The following SPATA13 variants were observed in gnomAD, a reference collection of about 807,000 sequenced individuals.
The protein encoded by SPATA13 is spermatogenesis-associated protein 13.
In SPATA13, 50 loss-of-function variants were observed where a neutral mutation model predicts 104.0. The ratio of observed to expected loss-of-function variants is 0.48; its 90% CI spans 0.38 to 0.61. The LOEUF is 0.61. SPATA13 is among the 20% of genes least tolerant of loss of function. The pLI is 0.00. For missense variants in SPATA13, 1,524 were observed against 1,690.6 expected (o/e 0.90, Z 1.73); for synonymous variants, 606 against 667.5 (o/e 0.91, Z 1.42).
chr13:24,264,625 T>G (rs1031777590), intron 4 of SPATA13, among the ~76,000 whole-genome samples: 1 of 152,258 alleles, frequency 6.6e-6, no homozygotes. Flanking sequence ...GTCCCAATAA[T>G]TGCCTTCTAT....
chr13:24,249,212 G>C (rs1235635416), intron 2 of SPATA13, among the ~76,000 whole-genome samples: 1 of 152,134 alleles, frequency 6.6e-6, no homozygotes, highest in Non-Finnish European at 1.5e-5. Flanking sequence ...CTCATCATTG[G>C]TCACCAAACC....
At chr13:24,208,267 T>C (rs1870821043) in intron 1 of SPATA13, among the ~76,000 whole-genome samples, 1 of 152,206 alleles carries the variant, frequency 6.6e-6, no homozygotes, top group African/African-American at 2.4e-5. Flanking sequence ...AGAAATTCCC[T>C]GTAATTGAGG....
chr13:24,302,459 CAAAAAAAAAAAAA>C (rs71070678), intron 12 of SPATA13, 126 bp from the exon 13 acceptor site: 3,744 of 192,498 alleles, frequency 0.019, no homozygotes, highest in East Asian at 0.037. Context: ...GACCCTGTCT[CAAAAAAAAAAAAA>C]AAAAAAAAAA....
rs553936625 is a variant in SPATA13, at chr13:24,209,416, A to G, written c.-111-13403A>G. ...AAGAGATGAAAAGACAGCTCTTGCCAAGGTTATTTGATGAAATAAAAGGAG... is the reference window on the plus strand; with the variant it reads ...AAGAGATGAAAAGACAGCTCTTGCCGAGGTTATTTGATGAAATAAAAGGAG... On this transcript the variant is annotated intron_variant, in intron 1 of 12. Transcript: ENST00000382108. 3.9e-5 allele frequency among the ~76,000 whole-genome samples: 6 copies of G among 152,326 alleles called. No homozygotes were observed. The East Asian group carries it at 1.2e-3, about 29-fold the overall frequency.
chr13:24,259,362 C>T (rs1215492356), intron 4 of SPATA13, among the ~76,000 whole-genome samples: 1 of 152,248 alleles, frequency 6.6e-6, no homozygotes, highest in Non-Finnish European at 1.5e-5. Flanking sequence ...CCCCCAGAGC[C>T]TCACTTGCTT....
intron 4 of SPATA13, among the ~76,000 whole-genome samples, chr13:24,275,465 C>T (rs140157528): frequency 1.6e-3 from 240 of 152,316 alleles, no homozygotes; most frequent in Non-Finnish European, 2.9e-3. Context: ...ATGGTCAGCA[C>T]GCAGTTTTGA....
chr13:24,166,048 CT>C (rs1476956101), intron 1 of SPATA13, among the ~76,000 whole-genome samples: 2 of 152,186 alleles, frequency 1.3e-5, no homozygotes, highest in African/African-American at 4.8e-5. Flanking sequence ...GTATAAAAGT[CT>C]TTCTCATTCA....
chr13:24,160,980 G>T, intron 1 of SPATA13, 48 bp downstream of exon 1: 1 of 964,056 alleles, frequency 1.0e-6, no homozygotes. Flanking sequence ...CGCGGGCATG[G>T]GCTGTTAGGT....
chr13:24,255,153 G>A (rs1873721526), intron 4 of SPATA13, among the ~76,000 whole-genome samples: 1 of 152,178 alleles, frequency 6.6e-6, no homozygotes, highest in South Asian at 2.1e-4. Context: ...AAAGGCTTGG[G>A]AAGAGTATTG....
intron 3 of SPATA13, among the ~76,000 whole-genome samples, chr13:24,115,099 C>T (rs984130567): frequency 7.9e-5 from 12 of 152,136 alleles, no homozygotes; most frequent in African/African-American, 2.2e-4. Context: ...AGGAAGTGAC[C>T]GTGGAGGCCA....
intron 3 of SPATA13, among the ~76,000 whole-genome samples, chr13:24,030,968 G>T (rs1877453557): frequency 6.6e-6 from 1 of 152,178 alleles, no homozygotes; most frequent in Non-Finnish European, 1.5e-5. Flanking sequence ...ACCAATCTTA[G>T]AATAATAATT....
rs1342383407 is a variant in SPATA13 at position 24,300,491 on chromosome 13, G to A, written c.3658+16G>A. 6.2e-7 allele frequency: 1 copy of A among 1,611,884 alleles called. No homozygotes were observed. Among genetic ancestry groups the A allele is most frequent in the Non-Finnish European group, 8.5e-7 (1 of 1,178,100 alleles). ...AAGTCAAAAGGTAAGTTATGGAGAA[G>A]GCTTTGTCCCCTTAATGCTTATCAG... On this transcript the variant is annotated intron_variant, in intron 12 of 12. Coordinates refer to ENST00000382108, the MANE Select transcript of SPATA13 (RefSeq NM_001166271.3).
intron 3 of SPATA13, among the ~76,000 whole-genome samples, chr13:24,027,121 T>C (rs1877257022): frequency 6.7e-6 from 1 of 149,068 alleles, no homozygotes; most frequent in African/African-American, 2.5e-5. Flanking sequence ...TTCCTGATAT[T>C]TTTTGTTTAG....
intron 8 of SPATA13, 49 bp from the exon 9 acceptor site, chr13:24,290,603 G>A (rs757249768): frequency 9.0e-6 from 13 of 1,439,400 alleles, no homozygotes. Context: ...TCTTTGTCAT[G>A]TCCCAGAGGC....
intron 1 of SPATA13, among the ~76,000 whole-genome samples, chr13:24,193,239 A>G (rs1056733393): frequency 2.6e-5 from 4 of 151,912 alleles, no homozygotes; most frequent in Middle Eastern, 3.2e-3. Flanking sequence ...GCTCTGAGGA[A>G]GGGGAGTTGC....
At chr13:24,284,615 G>C (rs1281646517) in intron 5 of SPATA13, among the ~76,000 whole-genome samples, 1 of 152,192 alleles carries the variant, frequency 6.6e-6, no homozygotes, top group East Asian at 1.9e-4. Flanking sequence ...AGTGAGCTGA[G>C]AGCACACCAC....
intron 3 of SPATA13, among the ~76,000 whole-genome samples, chr13:24,098,413 C>T (rs1190026077): frequency 6.6e-6 from 1 of 151,608 alleles, no homozygotes; most frequent in African/African-American, 2.4e-5. Context: ...TTAAACGTGG[C>T]AAAACCCTGT....
At chr13:24,252,527 C>T (rs905662260) in intron 4 of SPATA13, among the ~76,000 whole-genome samples, 8 of 152,090 alleles carry the variant, frequency 5.3e-5, no homozygotes, top group Non-Finnish European at 7.3e-5. Context: ...CAATATGCAA[C>T]GTGTACCCAT....
In SPATA13 at chr13:24,303,319, TC is replaced by T; in HGVS notation, c.*549del. ...GCTGCCGTGGGGCTGACCACGGTGT[TC>T]CCTGGCATCGTCTGTGTCCACACAG... On this transcript the variant is annotated 3_prime_UTR_variant, in exon 13 of 13. Coordinates refer to ENST00000382108, the MANE Select transcript of SPATA13 (RefSeq NM_001166271.3). The T allele has an allele frequency of 3.0e-6, 1 of 331,678 alleles. No homozygotes were observed. The highest frequency in any genetic ancestry group is 6.1e-6 in the Non-Finnish European group (1 of 165,048). 20.5% of individuals were successfully genotyped at this position (331,678 alleles called of 1,614,324 possible). A position where few individuals can be genotyped will look rare whatever the true frequency, so the allele number is the denominator to read the frequency against.
Sources: allele counts gnomAD v4.1 joint callset (sites outside exome capture counted in the v4.1 genomes callset), GRCh38; gene constraint gnomAD v4.1.1; transcripts MANE v1.5; gene names NCBI Gene and HGNC (gene_info 2026-07-23, HGNC 2026-07-21).